The following SLC38A4 variants were observed in gnomAD, a reference collection of about 807,000 sequenced individuals.
The protein encoded by SLC38A4 is sodium-coupled neutral amino acid transporter 4.
Under a neutral mutation model 63.1 loss-of-function variants are expected in SLC38A4, and 20 were observed. The observed-to-expected ratio is 0.32, with a 90% CI of 0.22 to 0.46. The LOEUF (loss-of-function observed/expected upper bound fraction) is 0.46. SLC38A4 is among the 20% of genes least tolerant of loss of function. The pLI, the probability that SLC38A4 is intolerant of heterozygous loss-of-function variation, is 1.00. For missense variants in SLC38A4, 526 were observed against 663.6 expected (o/e 0.79, Z 2.28); for synonymous variants, 230 against 225.5 (o/e 1.02, Z -0.18).
In SLC38A4 at chr12:46,765,468, C is replaced by A; in HGVS notation, c.*1233G>T. 5.5e-6 allele frequency: 2 copies of A among 364,580 alleles called. No individual in the cohort carries two copies. Among genetic ancestry groups the A allele is most frequent in the South Asian group, 2.0e-5 (1 of 51,182 alleles). 22.6% of individuals were successfully genotyped at this position (364,580 alleles called of 1,614,324 possible). A position where few individuals can be genotyped will look rare whatever the true frequency, so the allele number is the denominator to read the frequency against. On this transcript the variant is annotated 3_prime_UTR_variant, in exon 17 of 17. Coordinates refer to ENST00000266579, the MANE Select transcript of SLC38A4 (RefSeq NM_018018.5). Reference sequence around the variant, plus strand: ...ACAACTTTAGTATGATAAAAATTTGCAAAAAGAAACTTATTTTCTTGTAGA... The same window carrying A: ...ACAACTTTAGTATGATAAAAATTTGAAAAAAGAAACTTATTTTCTTGTAGA...
At position 46,778,639 on chromosome 12, in the gene SLC38A4, G is replaced by T. The variant is rs200975178; in HGVS notation, c.855C>A (p.Phe285Leu). The T allele has an allele frequency of 6.2e-7, 1 of 1,613,028 alleles. No homozygotes were observed. Among genetic ancestry groups the T allele is most frequent in the East Asian group, 2.2e-5 (1 of 44,818 alleles). Residue 285 changes from phenylalanine to leucine, a missense_variant, in exon 11 of 17, where the codon TTC becomes TTA. Coordinates refer to ENST00000266579, the MANE Select transcript of SLC38A4 (RefSeq NM_018018.5). ...PNNSESSDVN[F>L]MMDYTHRNPA... The stretch of plus-strand genomic sequence containing the variant: ...GATTGCGGTGGGTGTAATCCATCAT[G>T]AAGTTCACATCAGAACTCTCAGAGT...
chr12:46,811,084 C>A (rs1380722457), intron 1 of SLC38A4, among the ~76,000 whole-genome samples: 1 of 151,950 alleles, frequency 6.6e-6, no homozygotes, highest in Non-Finnish European at 1.5e-5. Flanking sequence ...TAATCAGTTT[C>A]TATTATGGCA....
In SLC38A4 at chr12:46,825,313, T is replaced by TTATA. The variant is rs34878223; in HGVS notation, c.-305+586_-305+589dup. Among the ~76,000 whole-genome samples the TTATA allele has an allele frequency of 7.1e-3, 993 of 140,314 alleles. 20 individuals carry two copies. The highest frequency in any genetic ancestry group is 0.02 in the African/African-American group (772 of 38,534). 92.1% of individuals were successfully genotyped at this position (140,314 alleles called of 152,430 possible). A position where few individuals can be genotyped will look rare whatever the true frequency, so the allele number is the denominator to read the frequency against. On this transcript the variant is annotated intron_variant, in intron 1 of 16. Coordinates refer to ENST00000266579, the MANE Select transcript of SLC38A4 (RefSeq NM_018018.5). ...TTATAATTACTTTAATATACAAAGTTTATATATATATATATATTCCTTACA... is the reference window on the plus strand; with the variant it reads ...TTATAATTACTTTAATATACAAAGTTTATATATATATATATATATATTCCTTACA...
rs1939526162 is a variant in SLC38A4, at chr12:46,820,690, C to A, written c.-305+5213G>T. 8.5e-5 allele frequency among the ~76,000 whole-genome samples: 13 copies of A among 152,078 alleles called. No individual in the cohort carries two copies. In the South Asian group the frequency reaches 2.7e-3, roughly 32 times the overall value. ...TGATTTCAATTCTTTTGGATATATA[C>A]CCAGAAAGTGGGATTGTAGGATCAT... On this transcript the variant is annotated intron_variant, in intron 1 of 16. Transcript: ENST00000266579.
intron 7 of SLC38A4, among the ~76,000 whole-genome samples, chr12:46,781,486 A>C (rs548186115): frequency 1.4e-4 from 21 of 152,174 alleles, no homozygotes; most frequent in Non-Finnish European, 2.2e-4. Flanking sequence ...TGGTCTTCAA[A>C]AATTCAGAAT....
At chr12:46,772,260 C>T (rs80294213) in intron 14 of SLC38A4, among the ~76,000 whole-genome samples, 271 of 152,038 alleles carry the variant, frequency 1.8e-3, no homozygotes, top group African/African-American at 6.1e-3. Flanking sequence ...TAGCAATATA[C>T]GCTGCATTTC....
chr12:46,789,667 T>G (rs749300287), intron 3 of SLC38A4, among the ~76,000 whole-genome samples: 5 of 152,194 alleles, frequency 3.3e-5, no homozygotes, highest in Non-Finnish European at 5.9e-5. Context: ...TATAAAATGC[T>G]CGACTATGTA....
intron 2 of SLC38A4, among the ~76,000 whole-genome samples, chr12:46,799,161 A>T (rs1939077202): frequency 6.6e-6 from 1 of 152,192 alleles, no homozygotes; most frequent in Non-Finnish European, 1.5e-5. Context: ...AGCTGCAAAC[A>T]TACATAATAT....
chr12:46,801,589 G>A (rs994922164), intron 2 of SLC38A4, among the ~76,000 whole-genome samples: 1 of 152,072 alleles, frequency 6.6e-6, no homozygotes, highest in African/African-American at 2.4e-5. Context: ...GTAGCAGAAA[G>A]CCTCACCTAT....
chr12:46,791,756 G>C (rs1215329308), intron 3 of SLC38A4, among the ~76,000 whole-genome samples: 1 of 152,152 alleles, frequency 6.6e-6, no homozygotes, highest in Non-Finnish European at 1.5e-5. Flanking sequence ...TCTGCACAGG[G>C]AGAGGGTACA....
intron 1 of SLC38A4, chr12:46,824,345 C>T (rs1050752345): frequency 6.6e-6 from 1 of 152,096 alleles, no homozygotes; most frequent in South Asian, 2.1e-4. Flanking sequence ...TCCAATCCTC[C>T]AGTGTTTTAA....
At chr12:46,791,626 C>T (rs1171068377) in intron 3 of SLC38A4, among the ~76,000 whole-genome samples, 2 of 152,164 alleles carry the variant, frequency 1.3e-5, no homozygotes, top group African/African-American at 4.8e-5. Flanking sequence ...TTTGATATAA[C>T]ATTTTGTGGG....
In SLC38A4 at chr12:46,764,926, G is replaced by T. The variant is rs952231348; in HGVS notation, c.*1775C>A. 5 of 152,520 alleles carry T rather than the reference G, an allele frequency of 3.3e-5. No homozygotes were observed. Among genetic ancestry groups the T allele is most frequent in the African/African-American group, 7.2e-5 (3 of 41,442 alleles). 9.4% of individuals were successfully genotyped at this position (152,520 alleles called of 1,614,324 possible). On this transcript the variant is annotated 3_prime_UTR_variant, in exon 17 of 17. Coordinates refer to ENST00000266579, the MANE Select transcript of SLC38A4 (RefSeq NM_018018.5). Reference sequence around the variant, plus strand: ...AGCACAAGCTATCATATGTATGTCTGCCCTGCAGTATATATGAATTTTAAT... The same window carrying T: ...AGCACAAGCTATCATATGTATGTCTTCCCTGCAGTATATATGAATTTTAAT...
At position 46,774,980 on chromosome 12, in the gene SLC38A4, G is replaced by T. The variant is rs2120757077; in HGVS notation, c.1299+69C>A. On this transcript the variant is annotated intron_variant, in intron 14 of 16. Coordinates refer to ENST00000266579, the MANE Select transcript of SLC38A4 (RefSeq NM_018018.5). ...ACTCACCCTATAATTAAATCAAAAT[G>T]AAGGTAGAACACATGTACTAATTTA... is the stretch of plus-strand genomic sequence containing the variant. 11 of 1,521,594 alleles carry T rather than the reference G, an allele frequency of 7.2e-6. No homozygotes were observed. The East Asian group carries it at 1.6e-4, about 22-fold the overall frequency. 94.3% of individuals were successfully genotyped at this position (1,521,594 alleles called of 1,614,324 possible).
intron 2 of SLC38A4, among the ~76,000 whole-genome samples, chr12:46,799,793 A>G (rs1293490985): frequency 6.6e-6 from 1 of 152,168 alleles, no homozygotes; most frequent in Non-Finnish European, 1.5e-5. Flanking sequence ...AGCACAAAGT[A>G]TATACCTTGA....
At chr12:46,779,518 A>T in intron 10 of SLC38A4, 93 bp downstream of exon 10, 1 of 931,406 alleles carries the variant, frequency 1.1e-6, no homozygotes, top group Non-Finnish European at 1.7e-6. Context: ...ATTTCATATT[A>T]GTGAAGTGCT....
At position 46,766,622 on chromosome 12, in the gene SLC38A4, C is replaced by T. The variant is rs748845951; in HGVS notation, c.*79G>A. 9.1e-6 allele frequency: 9 copies of T among 987,636 alleles called. No homozygotes were observed. The highest frequency in any genetic ancestry group is 4.1e-5 in the South Asian group (3 of 72,632). The allele number at this position is 987,636 out of a possible 1,614,324, so 61.2% of individuals were successfully genotyped here. The stretch of plus-strand genomic sequence containing the variant: ...CTGTTATTTCCTATGAATAACATTC[C>T]AATCAAGATAATTCAAATATCTTTT... On this transcript the variant is annotated 3_prime_UTR_variant, in exon 17 of 17. Transcript: ENST00000266579.
At chr12:46,777,661 C>T (rs555294043) in intron 12 of SLC38A4, among the ~76,000 whole-genome samples, 1 of 152,070 alleles carries the variant, frequency 6.6e-6, no homozygotes, top group Non-Finnish European at 1.5e-5. Flanking sequence ...ATAATACCCT[C>T]CCTTAAAGGA....
At chr12:46,776,013 TAGTCAAATAGAAAAAA>T (rs2120761517) in intron 13 of SLC38A4, among the ~76,000 whole-genome samples, 1 of 152,066 alleles carries the variant, frequency 6.6e-6, no homozygotes, top group African/African-American at 2.4e-5. Context: ...AGTCAAATAT[TAGTCAAATAGAAAAAA>T]AACCTAAGCA....
Sources: gnomAD v4.1 joint callset for allele counts (sites outside exome capture counted in the v4.1 genomes callset) on GRCh38, gnomAD v4.1.1 for gene constraint, MANE v1.5 for transcripts, NCBI Gene and HGNC (gene_info 2026-07-23, HGNC 2026-07-21) for gene names.